Variants in ADAM10 observed in about 807,000 individuals in gnomAD.
ADAM10 encodes ADAM metallopeptidase domain 10, also known as disintegrin and metalloproteinase domain-containing protein 10.
Under a neutral mutation model 90.1 loss-of-function variants are expected in ADAM10, and 17 were observed. The ratio of observed to expected loss-of-function variants is 0.19; its 90% confidence interval spans 0.13 to 0.28. The LOEUF is 0.28. Among genes scored for constraint, ADAM10 ranks in the 10% least tolerant of loss-of-function variants. The pLI is 1.00. For missense variants in ADAM10, 610 were observed against 914.3 expected (o/e 0.67, Z 4.29); for synonymous variants, 310 against 298.6 (o/e 1.04, Z -0.40).
Position 58,610,217 on chromosome 15 carries a change from G to A in ADAM10, c.2025+80C>T, listed in dbSNP as rs562585218. The A allele has an allele frequency of 8.0e-4, 951 of 1,183,406 alleles. 11 individuals carry two copies. The South Asian group carries it at 9.5e-3, about 12-fold the overall frequency. The allele number at this position is 1,183,406 out of a possible 1,614,324, so 73.3% of individuals were successfully genotyped here. On this transcript the variant is annotated intron_variant, in intron 14 of 15. Transcript: ENST00000260408. The stretch of plus-strand genomic sequence containing the variant: ...ATATAAATAGTTAAGTTGTTTTCTC[G>A]TAACTTTGATGACTTCTGGCCAAGT...
intron 4 of ADAM10, among the ~76,000 whole-genome samples, chr15:58,668,644 G>C (rs1288887601): frequency 2.0e-5 from 3 of 152,102 alleles, no homozygotes; most frequent in African/African-American, 7.2e-5. Context: ...CACTGAGGTA[G>C]TATGCACTAC....
At chr15:58,745,764 G>C (rs1899771068) in intron 1 of ADAM10, among the ~76,000 whole-genome samples, 1 of 152,130 alleles carries the variant, frequency 6.6e-6, no homozygotes, top group African/African-American at 2.4e-5. Context: ...AAAAAGGCCA[G>C]GTGTATCATT....
chr15:58,656,532 A>G (rs1283822624), intron 5 of ADAM10, among the ~76,000 whole-genome samples: 1 of 152,094 alleles, frequency 6.6e-6, no homozygotes, highest in African/African-American at 2.4e-5. Flanking sequence ...ACTACCTTAC[A>G]ATCCTTATTT....
chr15:58,707,114 A>C (rs1898324656), intron 2 of ADAM10, among the ~76,000 whole-genome samples: 1 of 150,858 alleles, frequency 6.6e-6, no homozygotes, highest in South Asian at 2.1e-4. Context: ...CAGGCACAGT[A>C]GCTCACGCCT....
chr15:58,702,092 C>T (rs1305380174), intron 2 of ADAM10, among the ~76,000 whole-genome samples: 9 of 151,766 alleles, frequency 5.9e-5, no homozygotes, highest in Non-Finnish European at 1.0e-4. Flanking sequence ...GGCAACAGAG[C>T]GAGATTCTGT....
chr15:58,630,935 C>G (rs1321348262), intron 9 of ADAM10, among the ~76,000 whole-genome samples: 1 of 152,032 alleles, frequency 6.6e-6, no homozygotes, highest in African/African-American at 2.4e-5. Flanking sequence ...GGGCAGATCC[C>G]TCATCAATAG....
intron 6 of ADAM10, 90 bp from the exon 7 acceptor site, chr15:58,644,068 T>C: frequency 1.1e-6 from 1 of 933,522 alleles, no homozygotes; most frequent in Non-Finnish European, 1.7e-6. Context: ...TAATTATTCA[T>C]GTCCTGCCAC....
chr15:58,654,558 T>C (rs1210627881), intron 5 of ADAM10, among the ~76,000 whole-genome samples: 2 of 152,084 alleles, frequency 1.3e-5, no homozygotes, highest in Non-Finnish European at 2.9e-5. Flanking sequence ...TTTAAACTGT[T>C]TGCAAAGAAA....
At chr15:58,667,146 T>C (rs1338933122) in intron 4 of ADAM10, among the ~76,000 whole-genome samples, 4 of 152,168 alleles carry the variant, frequency 2.6e-5, no homozygotes, top group Admixed American at 2.6e-4. Flanking sequence ...TCACAAACAA[T>C]GAGTCATGGG....
chr15:58,726,082 C>T (rs892371968), intron 1 of ADAM10, among the ~76,000 whole-genome samples: 1 of 152,106 alleles, frequency 6.6e-6, no homozygotes, highest in Admixed American at 6.5e-5. Flanking sequence ...TTTAAACACA[C>T]AATCTACTGT....
chr15:58,722,628 A>C (rs1415199442), intron 1 of ADAM10, among the ~76,000 whole-genome samples: 1 of 150,922 alleles, frequency 6.6e-6, no homozygotes, highest in African/African-American at 2.4e-5. Flanking sequence ...TCCCAACTTC[A>C]TGCTCTGTAA....
intron 9 of ADAM10, among the ~76,000 whole-genome samples, chr15:58,628,831 G>GT (rs1242654335): frequency 1.3e-5 from 2 of 152,166 alleles, no homozygotes; most frequent in Non-Finnish European, 2.9e-5. Context: ...AGGACGTTCT[G>GT]TTTTTTCCTA....
chr15:58,722,595 A>T (rs1283957581), intron 1 of ADAM10, among the ~76,000 whole-genome samples: 1 of 151,732 alleles, frequency 6.6e-6, no homozygotes, highest in African/African-American at 2.4e-5. Context: ...TGGCTGATAC[A>T]TGCTCATGAG....
At chr15:58,731,997 T>A in intron 1 of ADAM10, among the ~76,000 whole-genome samples, 1 of 152,172 alleles carries the variant, frequency 6.6e-6, no homozygotes, top group Middle Eastern at 3.2e-3. Context: ...GAAAAGAGCC[T>A]GGTGTTTGTG....
intron 2 of ADAM10, among the ~76,000 whole-genome samples, chr15:58,700,964 C>A: frequency 6.8e-6 from 1 of 146,052 alleles, no homozygotes. Flanking sequence ...ATGATCATGC[C>A]ACTGCACTCC....
chr15:58,727,855 G>C (rs750878286), intron 1 of ADAM10, among the ~76,000 whole-genome samples: 5 of 151,946 alleles, frequency 3.3e-5, no homozygotes, highest in Non-Finnish European at 1.5e-5. Flanking sequence ...AACACAACAA[G>C]CCTAAGTATT....
chr15:58,617,981 C>T (rs540331752), intron 11 of ADAM10, among the ~76,000 whole-genome samples: 1 of 150,580 alleles, frequency 6.6e-6, no homozygotes, highest in African/African-American at 2.4e-5. Flanking sequence ...AAGCAATCTA[C>T]AGATTCAATG....
At chr15:58,608,043 A>T (rs1418667425) in intron 14 of ADAM10, among the ~76,000 whole-genome samples, 2 of 152,200 alleles carry the variant, frequency 1.3e-5, no homozygotes, top group Non-Finnish European at 2.9e-5. Context: ...ATCCTGTCCA[A>T]ACACACAGTA....
chr15:58,720,432 G>A (rs544507148), intron 1 of ADAM10, among the ~76,000 whole-genome samples: 5 of 148,328 alleles, frequency 3.4e-5, no homozygotes, highest in South Asian at 2.1e-4. Flanking sequence ...ACAGAGTCTC[G>A]CTCTGTCACC....
Sources: allele counts gnomAD v4.1 joint callset (sites outside exome capture counted in the v4.1 genomes callset), GRCh38; gene constraint gnomAD v4.1.1; transcripts MANE v1.5; gene names NCBI Gene and HGNC (gene_info 2026-07-23, HGNC 2026-07-21).